The following PTPN14 variants were observed in gnomAD, a reference collection of about 807,000 sequenced individuals.
The protein encoded by PTPN14 is tyrosine-protein phosphatase non-receptor type 14.
PTPN14 carries 53 observed loss-of-function variants against 126.8 expected under a neutral mutation model. The observed-to-expected ratio is 0.42, with a 90% CI of 0.34 to 0.53. The LOEUF (loss-of-function observed/expected upper bound fraction) is 0.53, where lower values mean the gene tolerates loss of function less well. PTPN14 is among the 20% of genes least tolerant of loss of function. PTPN14 has a pLI of 0.08. For synonymous variants in PTPN14, 630 were observed against 599.3 expected (o/e 1.05, Z -0.75); for missense variants, 1,257 against 1,552.9 (o/e 0.81, Z 3.20).
chr1:214,501,661 T>A (rs1281869420), intron 1 of PTPN14, among the ~76,000 whole-genome samples: 2 of 152,170 alleles, frequency 1.3e-5, no homozygotes, highest in Non-Finnish European at 1.5e-5. Flanking sequence ...ATAAACAATA[T>A]TTAGTGGCTC....
intron 4 of PTPN14, among the ~76,000 whole-genome samples, chr1:214,411,958 A>G (rs1268827868): frequency 6.6e-6 from 1 of 152,196 alleles, no homozygotes; most frequent in African/African-American, 2.4e-5. Flanking sequence ...CACTACATGA[A>G]TTTTTAGAAA....
At chr1:214,533,266 G>C (rs530840221) in intron 1 of PTPN14, 22 of 614,912 alleles carry the variant, frequency 3.6e-5, no homozygotes, top group African/African-American at 2.4e-4. Flanking sequence ...CCAGGAGTGC[G>C]AGGCCCTGCT....
intron 1 of PTPN14, among the ~76,000 whole-genome samples, chr1:214,465,951 C>CTTTTTTTTTTTTTGTTTTT (rs1660626154): frequency 3.4e-5 from 2 of 59,024 alleles, no homozygotes; most frequent in Non-Finnish European, 5.8e-5. Context: ...CAGTTACTTC[C>CTTTTTTTTTTTTTGTTTTT]TTTTTTTTTT....
At position 214,464,976 on chromosome 1, in the gene PTPN14, T is replaced by A. The variant is rs10864101; in HGVS notation, c.-154-19A>T. ...AAGATAGCTGTAAATGCAAAAGAAA[T>A]GCCATGGTCATGCTCCAGAAGGGAC... On this transcript the variant is annotated intron_variant, in intron 1 of 18. Coordinates refer to ENST00000366956, the MANE Select transcript of PTPN14 (RefSeq NM_005401.5). The A allele has an allele frequency of 1.4e-6, 1 of 724,108 alleles. No individual in the cohort carries two copies. Among genetic ancestry groups the A allele is most frequent in the Non-Finnish European group, 2.2e-6 (1 of 457,050 alleles). 44.9% of individuals were successfully genotyped at this position (724,108 alleles called of 1,614,324 possible).
intron 3 of PTPN14, among the ~76,000 whole-genome samples, chr1:214,426,694 T>TAA (rs1329520093): frequency 6.6e-6 from 1 of 152,202 alleles, no homozygotes; most frequent in African/African-American, 2.4e-5. Flanking sequence ...AGAAGGCTGC[T>TAA]ACAAACACAC....
In PTPN14 at chr1:214,381,512, A is replaced by C. The variant is rs1043420489; in HGVS notation, c.2544+1799T>G. On this transcript the variant is annotated intron_variant, in intron 13 of 18. Coordinates refer to ENST00000366956, the MANE Select transcript of PTPN14 (RefSeq NM_005401.5). Reference sequence around the variant, plus strand: ...TTTCCTTCTAGGTTTGCAAAAAGTCATATCTGTATAAAAATCTCTTAGCAC... The same window carrying C: ...TTTCCTTCTAGGTTTGCAAAAAGTCCTATCTGTATAAAAATCTCTTAGCAC... 4.6e-5 allele frequency among the ~76,000 whole-genome samples: 7 copies of C among 152,332 alleles called. No individual in the cohort carries two copies. In the South Asian group the frequency reaches 1.2e-3, roughly 27 times the overall value.
chr1:214,531,966 A>C (rs909667129), intron 1 of PTPN14: 1 of 152,842 alleles, frequency 6.5e-6, no homozygotes, highest in African/African-American at 2.4e-5. Context: ...TTAAAATATG[A>C]AACAAAACTC....
intron 1 of PTPN14, among the ~76,000 whole-genome samples, chr1:214,501,325 C>G (rs1049575663): frequency 7.9e-5 from 12 of 152,114 alleles, no homozygotes; most frequent in Admixed American, 2.6e-4. Context: ...GTGCAACCTC[C>G]GCCTCCCAGG....
At chr1:214,393,254 A>G (rs1284093404) in intron 10 of PTPN14, among the ~76,000 whole-genome samples, 3 of 152,196 alleles carry the variant, frequency 2.0e-5, no homozygotes, top group African/African-American at 7.2e-5. Context: ...GAGCACACGC[A>G]GGGTTAGCCA....
intron 5 of PTPN14, among the ~76,000 whole-genome samples, chr1:214,405,995 T>C (rs1431753489): frequency 6.6e-6 from 1 of 152,042 alleles, no homozygotes; most frequent in Non-Finnish European, 1.5e-5. Context: ...GCACCCAGGA[T>C]ACAATGGGGC....
intron 1 of PTPN14, among the ~76,000 whole-genome samples, chr1:214,481,497 G>A (rs1253065102): frequency 1.3e-5 from 1 of 77,138 alleles, no homozygotes; most frequent in Non-Finnish European, 2.3e-5. Flanking sequence ...GGAAACAAGC[G>A]CGAAACTCCC....
At chr1:214,413,909 T>A (rs1311382208) in intron 4 of PTPN14, among the ~76,000 whole-genome samples, 2 of 152,030 alleles carry the variant, frequency 1.3e-5, no homozygotes, top group Non-Finnish European at 2.9e-5. Context: ...CTTCCAGTGA[T>A]TCACCTGCCT....
At chr1:214,417,676 T>G (rs1182420814) in intron 3 of PTPN14, among the ~76,000 whole-genome samples, 1 of 152,234 alleles carries the variant, frequency 6.6e-6, no homozygotes, top group Non-Finnish European at 1.5e-5. Context: ...CAACTGTGTT[T>G]TACTTGCAAT....
intron 3 of PTPN14, among the ~76,000 whole-genome samples, chr1:214,420,371 A>G (rs1237330138): frequency 1.3e-5 from 2 of 152,238 alleles, no homozygotes; most frequent in Admixed American, 1.3e-4. Context: ...TTGATCAATA[A>G]ATACCCTATT....
intron 1 of PTPN14, among the ~76,000 whole-genome samples, chr1:214,517,699 T>C (rs1410179550): frequency 6.6e-6 from 1 of 152,070 alleles, no homozygotes; most frequent in Non-Finnish European, 1.5e-5. Flanking sequence ...CAAAGCTTTA[T>C]ATCCATGATC....
chr1:214,514,604 G>A (rs535046016), intron 1 of PTPN14, among the ~76,000 whole-genome samples: 42 of 152,076 alleles, frequency 2.8e-4, no homozygotes, highest in Non-Finnish European at 5.0e-4. Context: ...TGGTGCTGGT[G>A]CCTGAGTTTT....
At chr1:214,493,041 T>G (rs1165295697) in intron 1 of PTPN14, among the ~76,000 whole-genome samples, 1 of 152,132 alleles carries the variant, frequency 6.6e-6, no homozygotes, top group East Asian at 1.9e-4. Flanking sequence ...TGGTGGTGAC[T>G]GTTTTCAGAG....
At chr1:214,489,735 C>A (rs1661190027) in intron 1 of PTPN14, among the ~76,000 whole-genome samples, 1 of 152,176 alleles carries the variant, frequency 6.6e-6, no homozygotes, top group Non-Finnish European at 1.5e-5. Context: ...TAGCAGCAGG[C>A]ATCACATCAC....
intron 1 of PTPN14, among the ~76,000 whole-genome samples, chr1:214,521,947 T>A (rs1405998343): frequency 6.1e-5 from 9 of 146,944 alleles, no homozygotes; most frequent in East Asian, 4.0e-4. Flanking sequence ...TTTTTTTTTT[T>A]TTTTTTTGAG....
Sources: gnomAD v4.1 joint callset for allele counts (sites outside exome capture counted in the v4.1 genomes callset) on GRCh38, gnomAD v4.1.1 for gene constraint, MANE v1.5 for transcripts, NCBI Gene and HGNC (gene_info 2026-07-23, HGNC 2026-07-21) for gene names.